WDR70: variants seen among roughly 807,000 people sequenced by gnomAD.
WDR70 encodes the protein WD repeat domain 70.
In WDR70, 53 loss-of-function variants were observed where a neutral mutation model predicts 88.6. The ratio of observed to expected loss-of-function variants is 0.60; its 90% CI spans 0.48 to 0.75. WDR70 has a LOEUF of 0.75. Ranked by LOEUF, WDR70 falls within the 30% of genes least tolerant of loss-of-function variation. The pLI, the probability that WDR70 is intolerant of heterozygous loss-of-function variation, is 0.00. For missense variants in WDR70, 610 were observed against 823.2 expected (o/e 0.74, Z 3.17); for synonymous variants, 280 against 270.0 (o/e 1.04, Z -0.36).
chr5:37,670,466 C>T (rs958556980), intron 10 of WDR70, among the ~76,000 whole-genome samples: 5 of 152,130 alleles, frequency 3.3e-5, no homozygotes, highest in African/African-American at 1.2e-4. Flanking sequence ...AAACAGATGC[C>T]ACATCTTGAT....
At chr5:37,567,690 T>G (rs1742782944) in intron 9 of WDR70, among the ~76,000 whole-genome samples, 2 of 151,700 alleles carry the variant, frequency 1.3e-5, no homozygotes, top group Admixed American at 6.6e-5. Flanking sequence ...AATTGGGTAG[T>G]CATCATAAAA....
chr5:37,651,975 A>C (rs1669858121), intron 10 of WDR70, among the ~76,000 whole-genome samples: 1 of 151,392 alleles, frequency 6.6e-6, no homozygotes, highest in African/African-American at 2.4e-5. Context: ...AATCCCGTTT[A>C]TCAATTTTGG....
chr5:37,472,130 A>G lies in WDR70; in HGVS notation c.687-7704A>G, dbSNP rs549951706. Among the ~76,000 whole-genome samples the G allele has an allele frequency of 1.8e-4, 28 of 152,070 alleles. No individual in the cohort carries two copies. In the East Asian group the frequency reaches 5.4e-3, roughly 29 times the overall value. ...ATTATTAGTGAATATCCCAAGTTTA[A>G]ATACAAATTTTGTTAAAGTACAATT... On this transcript the variant is annotated intron_variant, in intron 7 of 17. Coordinates refer to ENST00000265107, the MANE Select transcript of WDR70 (RefSeq NM_018034.4).
rs150816910 is a variant in WDR70, at chr5:37,689,458, G to T, written c.1093-8197G>T. Among the ~76,000 whole-genome samples the T allele has an allele frequency of 7.5e-3, 1,146 of 152,284 alleles. 18 individuals are homozygous for T. The highest frequency in any genetic ancestry group is 0.026 in the African/African-American group (1,079 of 41,556). On this transcript the variant is annotated intron_variant, in intron 10 of 17. Transcript: ENST00000265107. ...AGGGGCCGACAGACACCTCATATAG[G>T]TGGGTGACCCTCTGGGACGAAGCTT...
At chr5:37,719,546 A>G (rs2112692365) in intron 13 of WDR70, among the ~76,000 whole-genome samples, 1 of 151,948 alleles carries the variant, frequency 6.6e-6, no homozygotes, top group African/African-American at 2.4e-5. Flanking sequence ...CTTTAACTTA[A>G]TTTTCCCCCC....
intron 5 of WDR70, among the ~76,000 whole-genome samples, chr5:37,398,505 A>G (rs1302806197): frequency 2.6e-5 from 4 of 152,218 alleles, no homozygotes; most frequent in East Asian, 3.8e-4. Flanking sequence ...AAATCTGTCA[A>G]TGACTGTCAA....
intron 9 of WDR70, among the ~76,000 whole-genome samples, chr5:37,598,835 A>G (rs1743776766): frequency 6.6e-6 from 1 of 152,230 alleles, no homozygotes; most frequent in Admixed American, 6.5e-5. Flanking sequence ...TAGAATAAGG[A>G]TCTGCCTGGG....
chr5:37,637,529 T>G (rs1198340761), intron 10 of WDR70, among the ~76,000 whole-genome samples: 1 of 152,028 alleles, frequency 6.6e-6, no homozygotes, highest in African/African-American at 2.4e-5. Flanking sequence ...ATTTTGAAAA[T>G]TTTGAAAGAG....
intron 10 of WDR70, among the ~76,000 whole-genome samples, chr5:37,633,145 A>G (rs1744865001): frequency 6.6e-6 from 1 of 152,204 alleles, no homozygotes; most frequent in South Asian, 2.1e-4. Flanking sequence ...TGAGGAAATC[A>G]TCTAACGAAC....
intron 10 of WDR70, among the ~76,000 whole-genome samples, chr5:37,659,211 C>T (rs1055650746): frequency 6.6e-6 from 1 of 152,182 alleles, no homozygotes; most frequent in Admixed American, 6.5e-5. Context: ...GTAGATACTT[C>T]TACAGTCAGA....
intron 7 of WDR70, among the ~76,000 whole-genome samples, chr5:37,455,286 C>G (rs911146994): frequency 3.3e-5 from 5 of 149,650 alleles, no homozygotes; most frequent in Non-Finnish European, 7.4e-5. Flanking sequence ...GCTCTGTTGC[C>G]CAGGCTGGAG....
chr5:37,642,914 A>C (rs1745140812), intron 10 of WDR70, among the ~76,000 whole-genome samples: 1 of 152,114 alleles, frequency 6.6e-6, no homozygotes, highest in Admixed American at 6.5e-5. Flanking sequence ...GGTAGTTTGC[A>C]AATATTTTCT....
At chr5:37,400,502 A>C (rs930487095) in intron 5 of WDR70, among the ~76,000 whole-genome samples, 85 of 152,096 alleles carry the variant, frequency 5.6e-4, no homozygotes, top group African/African-American at 2.0e-3. Flanking sequence ...GTGTCTTTAT[A>C]AAAAGAGTCA....
At chr5:37,473,830 T>G (rs1235212725) in intron 7 of WDR70, among the ~76,000 whole-genome samples, 4 of 152,242 alleles carry the variant, frequency 2.6e-5, no homozygotes, top group Non-Finnish European at 5.9e-5. Context: ...GGATTCCATC[T>G]GCTATATTTT....
At chr5:37,669,328 T>C (rs1745953103) in intron 10 of WDR70, among the ~76,000 whole-genome samples, 1 of 152,034 alleles carries the variant, frequency 6.6e-6, no homozygotes, top group Admixed American at 6.6e-5. Context: ...AAATTATTTC[T>C]TTAAAAGAAA....
rs146162718 is a variant in WDR70 at position 37,620,643 on chromosome 5, C to G, written c.1092+15405C>G. ...TTTTTTTTTGTATCCCGATTTGTTC[C>G]GTGTTTAAAGTACTGATCATAACCT... On this transcript the variant is annotated intron_variant, in intron 10 of 17. Transcript: ENST00000265107. Among the ~76,000 whole-genome samples, 28 of 152,096 alleles carry G rather than the reference C, an allele frequency of 1.8e-4. 1 individual carries two copies. In the East Asian group the frequency reaches 5.4e-3, roughly 29 times the overall value.
chr5:37,471,744 A>G (rs1352628957), intron 7 of WDR70, among the ~76,000 whole-genome samples: 1 of 152,034 alleles, frequency 6.6e-6, no homozygotes, highest in Non-Finnish European at 1.5e-5. Context: ...TTAAAAGTTA[A>G]TAATTAATGC....
At chr5:37,519,567 A>G (rs1438121699) in intron 9 of WDR70, among the ~76,000 whole-genome samples, 3 of 140,202 alleles carry the variant, frequency 2.1e-5, no homozygotes, top group African/African-American at 8.2e-5. Context: ...CACCTCCCAG[A>G]CGATGGGCGG....
At chr5:37,407,673 GC>G (rs1444234679) in intron 5 of WDR70, among the ~76,000 whole-genome samples, 1 of 151,956 alleles carries the variant, frequency 6.6e-6, no homozygotes, top group Non-Finnish European at 1.5e-5. Flanking sequence ...GGCTATCTGT[GC>G]TTTTTTTTTT....
Sources: allele counts gnomAD v4.1 joint callset (sites outside exome capture counted in the v4.1 genomes callset), GRCh38; gene constraint gnomAD v4.1.1; transcripts MANE v1.5; gene names NCBI Gene and HGNC (gene_info 2026-07-23, HGNC 2026-07-21).